RAB38: variants seen among roughly 807,000 people sequenced by gnomAD.
RAB38 encodes ras-related protein Rab-38.
In RAB38, 15 loss-of-function variants were observed where a neutral mutation model predicts 18.4. The observed-to-expected ratio is 0.82, with a 90% confidence interval of 0.55 to 1.26. The LOEUF (loss-of-function observed/expected upper bound fraction) is 1.26. Ranked by LOEUF, RAB38 falls within the 50% of genes most tolerant of loss-of-function variation. The probability of loss-of-function intolerance (pLI) is 0.00; values close to 1 mark genes in which losing one functional copy is unlikely to be tolerated. For missense variants in RAB38, 294 were observed against 267.4 expected (o/e 1.10, Z -0.69); for synonymous variants, 101 against 104.4 (o/e 0.97, Z 0.20).
the RAB38 span, among the ~76,000 whole-genome samples, chr11:87,861,768 C>T: frequency 3.3e-5 from 5 of 151,782 alleles, no homozygotes; most frequent in African/African-American, 4.8e-5. Flanking sequence ...TCATTAGACA[C>T]CCAACTTACA....
the RAB38 span, among the ~76,000 whole-genome samples, chr11:87,804,702 T>C: frequency 1.3e-5 from 2 of 152,164 alleles, no homozygotes; most frequent in African/African-American, 4.8e-5. Flanking sequence ...GGGAATTCCA[T>C]CATCTCCTTC....
chr11:87,975,147 C>T, the RAB38 span, among the ~76,000 whole-genome samples: 1 of 151,922 alleles, frequency 6.6e-6, no homozygotes. Context: ...TGCATCCCCT[C>T]CTCTTCTGAT....
chr11:88,041,604 T>C, the RAB38 span, among the ~76,000 whole-genome samples: 1 of 152,234 alleles, frequency 6.6e-6, no homozygotes, highest in Non-Finnish European at 1.5e-5. Context: ...TAAAAAATGA[T>C]TAATGCATAG....
At chr11:87,824,929 A>G in the RAB38 span, among the ~76,000 whole-genome samples, 2 of 152,300 alleles carry the variant, frequency 1.3e-5, no homozygotes, top group East Asian at 1.9e-4. Flanking sequence ...AGTAAGGCAC[A>G]TACATCATTG....
At chr11:87,882,598 G>A in the RAB38 span, among the ~76,000 whole-genome samples, 1 of 151,866 alleles carries the variant, frequency 6.6e-6, no homozygotes, top group African/African-American at 2.4e-5. Context: ...AACTGAATAA[G>A]TTAGTTCCTG....
the RAB38 span, among the ~76,000 whole-genome samples, chr11:87,958,215 C>T: frequency 4.6e-5 from 7 of 152,146 alleles, no homozygotes; most frequent in African/African-American, 1.2e-4. Flanking sequence ...TGATTTTGCC[C>T]GGCTGTAGGC....
At chr11:87,805,204 A>G in the RAB38 span, among the ~76,000 whole-genome samples, 1 of 152,146 alleles carries the variant, frequency 6.6e-6, no homozygotes. Flanking sequence ...TAACATTTTA[A>G]AAATCTTCCT....
At chr11:87,904,239 T>C in the RAB38 span, among the ~76,000 whole-genome samples, 1 of 151,708 alleles carries the variant, frequency 6.6e-6, no homozygotes, top group African/African-American at 2.4e-5. Context: ...TTTCAACCAC[T>C]GCTATCCTCT....
chr11:87,804,572 A>AC, the RAB38 span, among the ~76,000 whole-genome samples: 3 of 147,682 alleles, frequency 2.0e-5, no homozygotes, highest in Non-Finnish European at 4.5e-5. Flanking sequence ...TTCCACTCAG[A>AC]TTTTTTTTTT....
chr11:87,953,777 C>T, the RAB38 span, among the ~76,000 whole-genome samples: 1 of 151,836 alleles, frequency 6.6e-6, no homozygotes, highest in African/African-American at 2.4e-5. Flanking sequence ...ATCTGTATTG[C>T]TTCCCCCTGA....
the RAB38 span, among the ~76,000 whole-genome samples, chr11:87,893,390 A>ATATATTTTTTTTTTTTT: frequency 1.1e-5 from 1 of 93,916 alleles, no homozygotes; most frequent in African/African-American, 3.7e-5. Flanking sequence ...ATATATATAT[A>ATATATTTTTTTTTTTTT]TTTTTTTTTT....
At chr11:88,042,976 C>A in the RAB38 span, among the ~76,000 whole-genome samples, 1 of 152,144 alleles carries the variant, frequency 6.6e-6, no homozygotes, top group Non-Finnish European at 1.5e-5. Flanking sequence ...TGAAACACCC[C>A]TAATATATGC....
the RAB38 span, among the ~76,000 whole-genome samples, chr11:88,040,923 T>C: frequency 6.6e-6 from 1 of 152,194 alleles, no homozygotes; most frequent in African/African-American, 2.4e-5. Context: ...TATTGTCAAA[T>C]CTTTACTCAT....
chr11:88,154,781 G>T (rs1225890011), intron 1 of RAB38, among the ~76,000 whole-genome samples: 1 of 152,234 alleles, frequency 6.6e-6, no homozygotes, highest in Non-Finnish European at 1.5e-5. Flanking sequence ...CACCAGGGCA[G>T]ATCTCTGGGC....
chr11:88,156,132 A>G (rs1943122018), intron 1 of RAB38, among the ~76,000 whole-genome samples: 1 of 152,194 alleles, frequency 6.6e-6, no homozygotes, highest in African/African-American at 2.4e-5. Flanking sequence ...AATTTCCCTA[A>G]CCTTGCTAGA....
the RAB38 span, among the ~76,000 whole-genome samples, chr11:88,030,652 C>T: frequency 6.6e-6 from 1 of 152,336 alleles, no homozygotes; most frequent in East Asian, 1.9e-4. Flanking sequence ...TTCCTCAACA[C>T]ATACACTCTC....
the RAB38 span, among the ~76,000 whole-genome samples, chr11:88,020,650 A>T: frequency 6.6e-6 from 1 of 152,098 alleles, no homozygotes; most frequent in South Asian, 2.1e-4. Context: ...CAGAACACAC[A>T]TTTTTCTCCT....
chr11:88,059,125 A>G, the RAB38 span, among the ~76,000 whole-genome samples: 5 of 152,036 alleles, frequency 3.3e-5, no homozygotes, highest in Non-Finnish European at 5.9e-5. Context: ...TCTTGTCTGT[A>G]GAATGTGGAT....
chr11:87,851,604 G>T, the RAB38 span, among the ~76,000 whole-genome samples: 2,090 of 152,232 alleles, frequency 0.014, 45 homozygotes, highest in African/African-American at 0.048. Flanking sequence ...GGCATTAAAA[G>T]AAAAGGTAAG....
Sources: allele counts gnomAD v4.1 joint callset (sites outside exome capture counted in the v4.1 genomes callset), GRCh38; gene constraint gnomAD v4.1.1; transcripts MANE v1.5; gene names NCBI Gene and HGNC (gene_info 2026-07-23, HGNC 2026-07-21).